The following EYA2 variants were observed in gnomAD, a reference collection of about 807,000 sequenced individuals.
EYA2 encodes protein phosphatase EYA2.
Under a neutral mutation model 69.2 loss-of-function variants are expected in EYA2, and 31 were observed. The observed-to-expected ratio is 0.45, with a 90% confidence interval of 0.34 to 0.60. The LOEUF (loss-of-function observed/expected upper bound fraction) is 0.60. Among genes scored for constraint, EYA2 ranks in the 20% least tolerant of loss-of-function variants. The pLI is 0.02. For missense variants in EYA2, 622 were observed against 701.2 expected (o/e 0.89, Z 1.28); for synonymous variants, 257 against 279.4 (o/e 0.92, Z 0.80).
At chr20:47,117,489 A>G in intron 9 of EYA2, 1 of 985,276 alleles carries the variant, frequency 1.0e-6, no homozygotes, top group Non-Finnish European at 1.2e-6. Flanking sequence ...CCGTTCCACC[A>G]CAGTCCTCCC....
chr20:46,929,602 G>A (rs1985577416), intron 1 of EYA2, among the ~76,000 whole-genome samples: 1 of 152,088 alleles, frequency 6.6e-6, no homozygotes, highest in Non-Finnish European at 1.5e-5. Flanking sequence ...GATACAGGGA[G>A]TCCAGCTTTA....
At chr20:46,990,253 G>T (rs1051497643) in intron 2 of EYA2, 134 bp downstream of exon 2, 4 of 512,214 alleles carry the variant, frequency 7.8e-6, no homozygotes, top group African/African-American at 1.9e-5. Flanking sequence ...CCATTTAAAT[G>T]CTTGCCTCTG....
chr20:46,978,672 G>C (rs777419721), intron 1 of EYA2: 2 of 534,746 alleles, frequency 3.7e-6, no homozygotes, highest in East Asian at 1.1e-4. Flanking sequence ...GCTGTCATTT[G>C]CTGCACAGAG....
chr20:47,115,085 G>A (rs1228706205), intron 9 of EYA2, among the ~76,000 whole-genome samples: 2 of 152,152 alleles, frequency 1.3e-5, no homozygotes, highest in Non-Finnish European at 2.9e-5. Context: ...GATACTTTCG[G>A]GCATGCCGAG....
intron 1 of EYA2, among the ~76,000 whole-genome samples, chr20:46,911,245 G>A (rs905539903): frequency 1.5e-4 from 23 of 152,076 alleles, no homozygotes; most frequent in African/African-American, 5.3e-4. Context: ...GTGTGTGTGT[G>A]TGTGTGTGTG....
intron 10 of EYA2, chr20:47,166,858 T>C (rs1409238146): frequency 2.0e-5 from 3 of 152,410 alleles, no homozygotes; most frequent in African/African-American, 7.2e-5. Context: ...GGGAAGCGGT[T>C]GGATCCAGGA....
chr20:47,130,935 C>T (rs367994257), intron 9 of EYA2, among the ~76,000 whole-genome samples: 4 of 152,098 alleles, frequency 2.6e-5, no homozygotes, highest in African/African-American at 9.7e-5. Context: ...ACTAAAAATA[C>T]AAGAATTAGC....
chr20:47,088,427 C>T (rs1398391536), intron 7 of EYA2, among the ~76,000 whole-genome samples: 4 of 152,186 alleles, frequency 2.6e-5, no homozygotes, highest in Non-Finnish European at 4.4e-5. Flanking sequence ...TAGGCATGCT[C>T]AGGATTTCAG....
chr20:46,949,277 G>A (rs1978657849), intron 1 of EYA2, among the ~76,000 whole-genome samples: 1 of 152,190 alleles, frequency 6.6e-6, no homozygotes, highest in Non-Finnish European at 1.5e-5. Context: ...AAACATACAT[G>A]AGCCGGTTCC....
chr20:47,004,442 C>T (rs1982567255), intron 3 of EYA2, among the ~76,000 whole-genome samples: 1 of 152,040 alleles, frequency 6.6e-6, no homozygotes, highest in South Asian at 2.1e-4. Flanking sequence ...CTACAGTAAT[C>T]AGTAAACCTC....
At position 46,987,964 on chromosome 20, in the gene EYA2, CTATATA is replaced by C. The variant is rs71183225; in HGVS notation, c.-10-2009_-10-2004del. ...TCTCTCTCTCTCTCTCTCTCTCTCT[CTATATA>C]TATATATATATATATATATATATAT... On this transcript the variant is annotated intron_variant, in intron 1 of 15. Coordinates refer to ENST00000327619, the MANE Select transcript of EYA2 (RefSeq NM_005244.5). Among the ~76,000 whole-genome samples the C allele has an allele frequency of 6.4e-3, 72 of 11,240 alleles. 4 individuals are homozygous for C. The highest frequency in any genetic ancestry group is 0.083 in the Middle Eastern group (1 of 12). 7.4% of individuals were successfully genotyped at this position (11,240 alleles called of 152,430 possible). A position where few individuals can be genotyped will look rare whatever the true frequency, so the allele number is the denominator to read the frequency against.
At chr20:47,104,324 A>G (rs959812640) in intron 9 of EYA2, among the ~76,000 whole-genome samples, 1 of 152,124 alleles carries the variant, frequency 6.6e-6, no homozygotes, top group Non-Finnish European at 1.5e-5. Flanking sequence ...ATATATCTGG[A>G]TACCAGTCTA....
chr20:47,075,217 G>A (rs183492238), intron 7 of EYA2, among the ~76,000 whole-genome samples: 5 of 152,186 alleles, frequency 3.3e-5, no homozygotes, highest in African/African-American at 9.7e-5. Context: ...CAAATATTTG[G>A]TAAGCTCCCA....
chr20:47,117,314 A>G, intron 9 of EYA2: 1 of 959,426 alleles, frequency 1.0e-6, no homozygotes, highest in Non-Finnish European at 1.2e-6. Context: ...CCAGCCAAGC[A>G]TCTGCATTTA....
chr20:47,107,706 G>A (rs377483607), intron 9 of EYA2, among the ~76,000 whole-genome samples: 2 of 141,370 alleles, frequency 1.4e-5, no homozygotes, highest in African/African-American at 5.3e-5. Flanking sequence ...AAACAAAAGA[G>A]AAGAAGGAAG....
chr20:47,029,556 C>T (rs940380068), intron 5 of EYA2, among the ~76,000 whole-genome samples: 23 of 152,328 alleles, frequency 1.5e-4, no homozygotes, highest in African/African-American at 5.3e-4. Context: ...TCCTTTTACC[C>T]CTTCCTCTAT....
intron 1 of EYA2, among the ~76,000 whole-genome samples, chr20:46,910,881 C>T (rs969973341): frequency 6.6e-6 from 1 of 152,192 alleles, no homozygotes; most frequent in African/African-American, 2.4e-5. Context: ...CAAGATCTGT[C>T]AACACTGTGC....
intron 9 of EYA2, among the ~76,000 whole-genome samples, chr20:47,114,761 G>A (rs7263447): frequency 2.0e-5 from 3 of 152,282 alleles, no homozygotes; most frequent in Non-Finnish European, 4.4e-5. Context: ...TCATGGGTGC[G>A]GATCCCTCAT....
intron 1 of EYA2, among the ~76,000 whole-genome samples, chr20:46,986,324 A>G (rs1981182718): frequency 7.3e-6 from 1 of 137,854 alleles, no homozygotes; most frequent in Admixed American, 7.2e-5. Context: ...TATATATAAT[A>G]TCTCTATATA....
Sources: allele counts gnomAD v4.1 joint callset (sites outside exome capture counted in the v4.1 genomes callset), GRCh38; gene constraint gnomAD v4.1.1; transcripts MANE v1.5; gene names NCBI Gene and HGNC (gene_info 2026-07-23, HGNC 2026-07-21).